The following CALN1 variants were observed in gnomAD, a reference collection of about 807,000 sequenced individuals.
The protein encoded by CALN1 is calcium-binding protein 8.
CALN1 carries 17 observed loss-of-function variants against 30.6 expected under a neutral mutation model. That is an observed-to-expected ratio of 0.56 (90% CI 0.38 to 0.83). The LOEUF (loss-of-function observed/expected upper bound fraction) is 0.83, where lower values mean the gene tolerates loss of function less well. CALN1 is among the 40% of genes least tolerant of loss of function. The pLI, the probability that CALN1 is intolerant of heterozygous loss-of-function variation, is 0.00. For missense variants in CALN1, 291 were observed against 354.9 expected, an observed-to-expected ratio of 0.82 and a Z score of 1.45; for synonymous variants, 156 against 131.4, an observed-to-expected ratio of 1.19 and a Z score of -1.28.
intron 2 of CALN1, among the ~76,000 whole-genome samples, chr7:72,396,235 T>TA (rs55683543): frequency 0.15 from 7,993 of 53,236 alleles, 823 homozygotes; most frequent in East Asian, 0.41. Flanking sequence ...TTGTCTCTAC[T>TA]AAAAAAAAAA....
intron 6 of CALN1, among the ~76,000 whole-genome samples, chr7:71,790,369 AAAGAAAGAAAGAAAGAAAGAAAG>A: frequency 4.9e-5 from 1 of 20,570 alleles, no homozygotes; most frequent in African/African-American, 1.7e-4. Flanking sequence ...GAAAGAAAGA[AAAGAAAGAAAGAAAGAAAGAAAG>A]AAAGAAAGAA....
At chr7:72,146,273 G>C (rs1321797426) in intron 3 of CALN1, among the ~76,000 whole-genome samples, 3 of 152,176 alleles carry the variant, frequency 2.0e-5, no homozygotes, top group African/African-American at 7.2e-5. Flanking sequence ...CTGCAGCAAA[G>C]TCCCAGGATA....
intron 5 of CALN1, among the ~76,000 whole-genome samples, chr7:71,971,948 AAAAAAAAAGAAAGAAAGAAAG>A (rs1797833560): frequency 5.1e-5 from 6 of 116,910 alleles, no homozygotes; most frequent in African/African-American, 2.5e-4. Flanking sequence ...AAAAAAAAAA[AAAAAAAAAGAAAGAAAGAAAG>A]AAAGAAAGAA....
intron 5 of CALN1, among the ~76,000 whole-genome samples, chr7:71,995,001 C>T (rs894696182): frequency 3.9e-5 from 6 of 152,174 alleles, no homozygotes; most frequent in Admixed American, 1.3e-4. Flanking sequence ...TACAGGCGCC[C>T]GCCACCACAC....
chr7:72,389,949 AAAG>A (rs1185300234), intron 2 of CALN1, among the ~76,000 whole-genome samples: 1 of 149,806 alleles, frequency 6.7e-6, no homozygotes, highest in African/African-American at 2.4e-5. Flanking sequence ...AGAAGAAAGA[AAAG>A]AAAAAAAAGG....
At chr7:72,141,752 A>G (rs1809957151) in intron 3 of CALN1, among the ~76,000 whole-genome samples, 1 of 152,092 alleles carries the variant, frequency 6.6e-6, no homozygotes, top group Non-Finnish European at 1.5e-5. Context: ...TATTTTTAGT[A>G]GAGACAGGGT....
chr7:71,800,943 T>G lies in CALN1; in HGVS notation c.658+9393A>C, dbSNP rs149845463. 4.8e-3 allele frequency among the ~76,000 whole-genome samples: 728 copies of G among 152,298 alleles called. 4 individuals are homozygous for G. Among genetic ancestry groups the G allele is most frequent in the African/African-American group, 0.017 (691 of 41,566 alleles). On this transcript the variant is annotated intron_variant, in intron 6 of 6. Transcript: ENST00000395275. ...GGTATTCAGCCCCGCATGCATTAGC[T>G]ATTTATCCTGATGCTCTCCCTCCCA... is the stretch of plus-strand genomic sequence containing the variant.
chr7:72,485,032 A>G, the CALN1 span, among the ~76,000 whole-genome samples: 1 of 152,226 alleles, frequency 6.6e-6, no homozygotes, highest in Admixed American at 6.5e-5. Context: ...GTCTTGGCAG[A>G]CAGACAAATA....
At chr7:72,187,338 G>C (rs1182522497) in intron 3 of CALN1, among the ~76,000 whole-genome samples, 1 of 152,092 alleles carries the variant, frequency 6.6e-6, no homozygotes, top group Non-Finnish European at 1.5e-5. Flanking sequence ...CAGATTAGTA[G>C]CATCTGGTGG....
At chr7:71,811,285 G>A (rs1392779689) in intron 5 of CALN1, among the ~76,000 whole-genome samples, 1 of 151,954 alleles carries the variant, frequency 6.6e-6, no homozygotes, top group Non-Finnish European at 1.5e-5. Flanking sequence ...ATAGCTCCCT[G>A]CAGCCTTGAA....
intron 5 of CALN1, among the ~76,000 whole-genome samples, chr7:71,813,445 T>C (rs1788079112): frequency 2.0e-5 from 3 of 152,204 alleles, no homozygotes; most frequent in Admixed American, 2.0e-4. Context: ...AATCTCTGAA[T>C]GTGTTAAGTG....
intron 3 of CALN1, among the ~76,000 whole-genome samples, chr7:72,267,704 T>C (rs1380276001): frequency 6.6e-6 from 1 of 152,202 alleles, no homozygotes; most frequent in East Asian, 1.9e-4. Flanking sequence ...TTTGCAAAAA[T>C]GTAGTTAGTA....
intron 5 of CALN1, among the ~76,000 whole-genome samples, chr7:71,832,815 G>A (rs1286676134): frequency 6.7e-6 from 1 of 150,026 alleles, no homozygotes; most frequent in Admixed American, 6.7e-5. Flanking sequence ...CATCTTGGCC[G>A]GGCTGGTCTC....
intron 4 of CALN1, among the ~76,000 whole-genome samples, chr7:72,061,766 C>T (rs186096542): frequency 3.6e-4 from 44 of 122,002 alleles, no homozygotes; most frequent in Admixed American, 1.7e-3. Flanking sequence ...AGAAATAAAA[C>T]GGCCTGGGCG....
intron 5 of CALN1, among the ~76,000 whole-genome samples, chr7:71,862,227 C>A (rs758754228): frequency 1.3e-5 from 2 of 152,194 alleles, no homozygotes; most frequent in African/African-American, 2.4e-5. Flanking sequence ...TTAAGATCAG[C>A]ACATGCTGGA....
intron 2 of CALN1, among the ~76,000 whole-genome samples, chr7:72,284,966 C>T (rs1238736312): frequency 6.6e-6 from 1 of 152,060 alleles, no homozygotes; most frequent in Non-Finnish European, 1.5e-5. Context: ...AGGACCCAGG[C>T]ACATTGCAGT....
At chr7:72,400,686 A>G (rs1402987835) in intron 2 of CALN1, among the ~76,000 whole-genome samples, 4 of 152,204 alleles carry the variant, frequency 2.6e-5, no homozygotes, top group Non-Finnish European at 4.4e-5. Flanking sequence ...CCTGGTCAAC[A>G]TGGTGAAACC....
intron 1 of CALN1, among the ~76,000 whole-genome samples, chr7:72,418,621 C>CA (rs1023686097): frequency 6.6e-6 from 1 of 151,438 alleles, no homozygotes; most frequent in Admixed American, 6.6e-5. Context: ...AGCTTCCCCG[C>CA]CCCGGCTCAC....
the CALN1 span, among the ~76,000 whole-genome samples, chr7:72,457,892 A>G: frequency 6.6e-6 from 1 of 151,374 alleles, no homozygotes; most frequent in African/African-American, 2.4e-5. Context: ...AGTAGCTGAG[A>G]CTACAGGCAT....
Sources: allele counts gnomAD v4.1 joint callset (sites outside exome capture counted in the v4.1 genomes callset), GRCh38; gene constraint gnomAD v4.1.1; transcripts MANE v1.5; gene names NCBI Gene and HGNC (gene_info 2026-07-23, HGNC 2026-07-21).